Variants in MOCOS observed in about 807,000 individuals in gnomAD.
MOCOS encodes human molybdenum cofactor sulfurase.
Under a neutral mutation model 83.6 loss-of-function variants are expected in MOCOS, and 86 were observed. That is an observed-to-expected ratio of 1.03 (90% CI 0.86 to 1.23). The LOEUF is 1.23. Among genes scored for constraint, MOCOS ranks in the 50% most tolerant of loss-of-function variants. The pLI, the probability that MOCOS is intolerant of heterozygous loss-of-function variation, is 0.00. For missense variants in MOCOS, 1,120 were observed against 1,126.9 expected, an observed-to-expected ratio of 0.99 and a Z score of 0.09; for synonymous variants, 445 against 434.7, an observed-to-expected ratio of 1.02 and a Z score of -0.29.
rs577367393 is a variant in MOCOS at position 36,192,834 on chromosome 18, A to C, written c.143-2423A>C. On this transcript the variant is annotated intron_variant, in intron 1 of 14. Coordinates refer to ENST00000261326, the MANE Select transcript of MOCOS (RefSeq NM_017947.4). ...TGGCTAATTTTTGTATTTGTAGTAG[A>C]GATGGGGTTTCACCATGTTGGCCAG... 1.9e-3 allele frequency among the ~76,000 whole-genome samples: 286 copies of C among 152,142 alleles called. 2 individuals are homozygous for C. Among genetic ancestry groups the C allele is most frequent in the South Asian group, 0.015 (72 of 4,820 alleles).
chr18:36,205,256 A>T lies in MOCOS; in HGVS notation c.1198A>T (p.Asn400Tyr). ...INFNVLDDKG[N>Y]IIGYSQVDKM... ...TTTTAATGTGCTGGATGACAAAGGGAACATCATTGGTTACTCCCAGGTGGG... is the reference window on the plus strand; with the variant it reads ...TTTTAATGTGCTGGATGACAAAGGGTACATCATTGGTTACTCCCAGGTGGG... Residue 400 changes from asparagine (N) to tyrosine (Y), a missense_variant, in exon 6 of 15, where the codon AAC becomes TAC. By Grantham distance (143) the Asn-to-Tyr change is moderately radical. Coordinates refer to ENST00000261326, the MANE Select transcript of MOCOS (RefSeq NM_017947.4). 1 of 1,613,746 alleles carries T rather than the reference A, an allele frequency of 6.2e-7. No homozygotes were observed. Among genetic ancestry groups the T allele is most frequent in the Non-Finnish European group, 8.5e-7 (1 of 1,179,966 alleles).
chr18:36,216,383 GTGACCTGAAGATA>G (rs1197303064), intron 8 of MOCOS, among the ~76,000 whole-genome samples: 21 of 152,292 alleles, frequency 1.4e-4, no homozygotes, highest in African/African-American at 4.3e-4. Context: ...CTTTGCCCAG[GTGACCTGAAGATA>G]TGTCAAAAGG....
chr18:36,232,855 TACACACACACACAC>T (rs71168208), intron 9 of MOCOS, among the ~76,000 whole-genome samples: 7 of 147,830 alleles, frequency 4.7e-5, no homozygotes, highest in Non-Finnish European at 7.5e-5. Context: ...AATATTCCAT[TACACACACACACAC>T]ACACACACAC....
chr18:36,249,093 T>A, intron 10 of MOCOS, 93 bp downstream of exon 10: 1 of 1,072,524 alleles, frequency 9.3e-7, no homozygotes, highest in Admixed American at 1.9e-5. Context: ...TATCCTTTGC[T>A]ACCCTTCAGT....
intron 1 of MOCOS, among the ~76,000 whole-genome samples, chr18:36,191,033 A>AAAAAAAAG (rs1208589003): frequency 5.6e-5 from 7 of 124,482 alleles, no homozygotes; most frequent in South Asian, 2.8e-4. Context: ...AAAAAAAAAG[A>AAAAAAAAG]AAAAGAAAAA....
At chr18:36,220,834 C>T (rs530327758) in intron 9 of MOCOS, among the ~76,000 whole-genome samples, 110 of 151,790 alleles carry the variant, frequency 7.2e-4, no homozygotes, top group Non-Finnish European at 9.1e-4. Flanking sequence ...GAGGCTGAGG[C>T]AGGAGTATCG....
chr18:36,199,916 G>A lies in MOCOS; in HGVS notation c.533G>A (p.Trp178Ter). 2 of 1,614,014 alleles carry A rather than the reference G, an allele frequency of 1.2e-6. No individual in the cohort carries two copies. Among genetic ancestry groups the A allele is most frequent in the Admixed American group, 1.7e-5 (1 of 60,022 alleles). ...ACCCCGGTCAGGCCAGAGGACCTGT[G>A]GTCTGCAGAGGAACGTAGTGCTTCA... ...ISTPVRPEDL[W>*]SAEERSASAS... Residue 178 changes from tryptophan to a stop codon, truncating the protein, a stop_gained, in exon 4 of 15, where the codon TGG becomes TAG. Transcript: ENST00000261326. LOFTEE classifies it high-confidence loss of function.
intron 9 of MOCOS, among the ~76,000 whole-genome samples, chr18:36,244,414 C>G (rs1389426729): frequency 6.6e-6 from 1 of 152,008 alleles, no homozygotes; most frequent in African/African-American, 2.4e-5. Flanking sequence ...ATTTAATTTC[C>G]ATGTCTTTGT....
At chr18:36,218,862 T>A (rs985385027) in intron 8 of MOCOS, among the ~76,000 whole-genome samples, 1 of 148,294 alleles carries the variant, frequency 6.7e-6, no homozygotes, top group Non-Finnish European at 1.5e-5. Flanking sequence ...TATTTATTTA[T>A]TTATTTATTT....
intron 9 of MOCOS, among the ~76,000 whole-genome samples, chr18:36,246,634 A>T (rs1395748116): frequency 6.6e-6 from 1 of 152,256 alleles, no homozygotes; most frequent in East Asian, 1.9e-4. Flanking sequence ...GGTTTTCTCA[A>T]ATGCTGGTTA....
chr18:36,252,736 CAT>C (rs2091626666), intron 11 of MOCOS, among the ~76,000 whole-genome samples: 1 of 152,238 alleles, frequency 6.6e-6, no homozygotes. Context: ...GTTTCTAAAA[CAT>C]AAATAAACCA....
At position 36,214,389 on chromosome 18, in the gene MOCOS, G is replaced by A. The variant is rs185944887; in HGVS notation, c.1335+907G>A. ...GTTAACAAGGGATGTGTGAGGATGT[G>A]CCCTTACCTGGTTCAGCCCTCCTGA... On this transcript the variant is annotated intron_variant, in intron 7 of 14. Transcript: ENST00000261326. Among the ~76,000 whole-genome samples, 62 of 152,222 alleles carry A rather than the reference G, an allele frequency of 4.1e-4. 1 individual carries two copies. Among genetic ancestry groups the A allele is most frequent in the Admixed American group, 2.0e-4 (3 of 15,292 alleles).
intron 8 of MOCOS, among the ~76,000 whole-genome samples, chr18:36,216,969 C>A (rs2091478203): frequency 1.3e-5 from 2 of 152,112 alleles, no homozygotes; most frequent in South Asian, 4.1e-4. Flanking sequence ...ATAATCCCAC[C>A]TTAAGAGACA....
At position 36,248,977 on chromosome 18, in the gene MOCOS, C is replaced by A; in HGVS notation, c.2016C>A (p.Arg672=). 1 of 1,614,118 alleles carries A rather than the reference C, an allele frequency of 6.2e-7. No homozygotes were observed. Among genetic ancestry groups the A allele is most frequent in the Non-Finnish European group, 8.5e-7 (1 of 1,180,002 alleles). Reference sequence around the variant, plus strand: ...AAAATAGTGAACGGACTCAGATTCGCCAAAGCAGGGTCTGTGCTGACAGGT... The same window carrying A: ...AAAATAGTGAACGGACTCAGATTCGACAAAGCAGGGTCTGTGCTGACAGGT... ...LEENSERTQI[R]QSRVCADRVS... The change falls in exon 10 of 15, where the codon CGC becomes CGA. Residue 672 remains arginine (R), a synonymous_variant. Transcript: ENST00000261326.
intron 9 of MOCOS, among the ~76,000 whole-genome samples, chr18:36,227,597 C>T (rs1355766659): frequency 2.6e-5 from 4 of 151,872 alleles, no homozygotes; most frequent in Non-Finnish European, 5.9e-5. Context: ...GGTTTCACCA[C>T]GTTGGCCAGG....
chr18:36,261,919 A>G (rs1467480848), intron 13 of MOCOS, among the ~76,000 whole-genome samples: 10 of 152,038 alleles, frequency 6.6e-5, no homozygotes, highest in Admixed American at 3.3e-4. Flanking sequence ...AGAAAGGAAG[A>G]AAAAAAAGGG....
chr18:36,199,970 A>G lies in MOCOS; in HGVS notation c.587A>G (p.His196Arg), dbSNP rs902267019. 1.2e-6 allele frequency: 2 copies of G among 1,614,124 alleles called. No individual in the cohort carries two copies. Among genetic ancestry groups the G allele is most frequent in the African/African-American group, 2.7e-5 (2 of 74,946 alleles). ...AGCAACCCAGACTGCCAGCTGCCGC[A>G]TCTCTTCTGCTACCCAGCTCAGAGT... The part of the protein sequence containing the change: ...SASNPDCQLP[H>R]LFCYPAQSNF... The change falls in exon 4 of 15, where the codon CAT becomes CGT. Residue 196 changes from histidine to arginine, a missense_variant. Transcript: ENST00000261326.
intron 11 of MOCOS, among the ~76,000 whole-genome samples, chr18:36,253,389 C>T (rs1445137697): frequency 1.3e-5 from 2 of 152,132 alleles, no homozygotes; most frequent in African/African-American, 2.4e-5. Flanking sequence ...AGTAGGAGGC[C>T]AGGCGCGGTG....
In MOCOS at chr18:36,248,511, T is replaced by C. The variant is rs563276007; in HGVS notation, c.1961-411T>C. On this transcript the variant is annotated intron_variant, in intron 9 of 14. Coordinates refer to ENST00000261326, the MANE Select transcript of MOCOS (RefSeq NM_017947.4). Reference sequence around the variant, plus strand: ...TTTGAGGTCTCATCCAAAAATTGTTTGCCCAGACCAATGTCTTGAAGCAGT... The same window carrying C: ...TTTGAGGTCTCATCCAAAAATTGTTCGCCCAGACCAATGTCTTGAAGCAGT... 1.9e-4 allele frequency among the ~76,000 whole-genome samples: 29 copies of C among 152,352 alleles called. No individual in the cohort carries two copies. In the South Asian group the frequency reaches 6.0e-3, roughly 32 times the overall value.
Sources: gnomAD v4.1 joint callset for allele counts (sites outside exome capture counted in the v4.1 genomes callset) on GRCh38, gnomAD v4.1.1 for gene constraint, MANE v1.5 for transcripts, NCBI Gene and HGNC (gene_info 2026-07-23, HGNC 2026-07-21) for gene names.